The following RANBP17 variants were observed in gnomAD, a reference collection of about 807,000 sequenced individuals.
RANBP17 encodes RAN binding protein 17, also known as ran-binding protein 17.
RANBP17 carries 158 observed loss-of-function variants against 141.2 expected under a neutral mutation model. That is an observed-to-expected ratio of 1.12 (90% CI 0.98 to 1.28). The LOEUF (loss-of-function observed/expected upper bound fraction) is 1.28, where lower values mean the gene tolerates loss of function less well. Among genes scored for constraint, RANBP17 ranks in the 50% most tolerant of loss-of-function variants. RANBP17 has a pLI of 0.00. For synonymous variants in RANBP17, 430 were observed against 450.0 expected (o/e 0.96, Z 0.56); for missense variants, 1,438 against 1,290.7 (o/e 1.11, Z -1.75).
intron 14 of RANBP17, among the ~76,000 whole-genome samples, chr5:171,037,013 A>C (rs1781924209): frequency 6.6e-6 from 1 of 152,112 alleles, no homozygotes; most frequent in Non-Finnish European, 1.5e-5. Context: ...AGAAATCCCA[A>C]GGTACTTTCC....
intron 14 of RANBP17, among the ~76,000 whole-genome samples, chr5:171,112,999 C>A (rs901895614): frequency 2.0e-5 from 3 of 152,076 alleles, no homozygotes; most frequent in Admixed American, 2.0e-4. Context: ...GGATAAAAAT[C>A]CCTACTTCAG....
intron 5 of RANBP17, among the ~76,000 whole-genome samples, chr5:170,904,945 G>T (rs1018279185): frequency 1.3e-5 from 2 of 152,054 alleles, no homozygotes; most frequent in Non-Finnish European, 1.5e-5. Context: ...CGTTAAGGAG[G>T]TTTTGTTTCT....
At chr5:170,923,388 G>C (rs1308774708) in intron 11 of RANBP17, among the ~76,000 whole-genome samples, 1 of 152,146 alleles carries the variant, frequency 6.6e-6, no homozygotes, top group Non-Finnish European at 1.5e-5. Context: ...ACCCTGTCTT[G>C]ATTAGGTTTA....
At chr5:171,020,660 A>G (rs1197415743) in intron 14 of RANBP17, among the ~76,000 whole-genome samples, 3 of 149,130 alleles carry the variant, frequency 2.0e-5, no homozygotes, top group Admixed American at 1.3e-4. Flanking sequence ...TCTTGAGCCT[A>G]TGTGTGTCTT....
chr5:171,270,090 A>G (rs142289782), intron 25 of RANBP17, among the ~76,000 whole-genome samples: 1 of 152,220 alleles, frequency 6.6e-6, no homozygotes, highest in African/African-American at 2.4e-5. Context: ...ATGAACCCCC[A>G]CATAAAGGTT....
chr5:171,186,682 G>A (rs1317926390), intron 18 of RANBP17, among the ~76,000 whole-genome samples: 4 of 147,542 alleles, frequency 2.7e-5, no homozygotes, highest in Admixed American at 6.7e-5. Flanking sequence ...GACTACAGGC[G>A]CCCGCCACTA....
At chr5:170,951,496 C>T (rs1462488626) in intron 12 of RANBP17, among the ~76,000 whole-genome samples, 1 of 152,098 alleles carries the variant, frequency 6.6e-6, no homozygotes, top group Non-Finnish European at 1.5e-5. Flanking sequence ...AGTCACAACA[C>T]TCACTTATTG....
At chr5:171,048,855 C>T (rs1175971331) in intron 14 of RANBP17, among the ~76,000 whole-genome samples, 1 of 152,064 alleles carries the variant, frequency 6.6e-6, no homozygotes, top group Non-Finnish European at 1.5e-5. Flanking sequence ...GTGTATGTGC[C>T]ACATTTTTTT....
At chr5:170,933,248 A>G (rs74760924) in intron 12 of RANBP17, among the ~76,000 whole-genome samples, 102,425 of 151,944 alleles carry the variant, frequency 0.67, 34,750 homozygotes, top group South Asian at 0.9. Context: ...CTGTGGGATC[A>G]GTTGTGATAT....
chr5:171,099,099 C>T (rs563971479), intron 14 of RANBP17, among the ~76,000 whole-genome samples: 2 of 152,182 alleles, frequency 1.3e-5, no homozygotes, highest in East Asian at 3.9e-4. Flanking sequence ...TATACGGGCT[C>T]TTTTTTGGTT....
intron 14 of RANBP17, among the ~76,000 whole-genome samples, chr5:171,097,652 T>A (rs190085472): frequency 9.9e-5 from 14 of 140,966 alleles, no homozygotes; most frequent in African/African-American, 3.8e-4. Flanking sequence ...TTATTATTAT[T>A]ATACTTTAAG....
At chr5:171,051,849 G>A (rs1451293085) in intron 14 of RANBP17, among the ~76,000 whole-genome samples, 1 of 152,014 alleles carries the variant, frequency 6.6e-6, no homozygotes. Context: ...ATTCCCACCA[G>A]CAATGTAAAA....
intron 25 of RANBP17, among the ~76,000 whole-genome samples, chr5:171,288,630 AC>A (rs1409125832): frequency 6.6e-6 from 1 of 152,200 alleles, no homozygotes; most frequent in East Asian, 1.9e-4. Context: ...AGTCTATAAA[AC>A]GGGAATAATA....
chr5:171,139,402 A>G (rs116474854), intron 14 of RANBP17, among the ~76,000 whole-genome samples: 2,416 of 152,230 alleles, frequency 0.016, 73 homozygotes, highest in African/African-American at 0.056. Context: ...TTTTTATCCC[A>G]TTATATGAGA....
intron 9 of RANBP17, among the ~76,000 whole-genome samples, chr5:170,917,628 G>A (rs75762520): frequency 6.6e-6 from 1 of 152,158 alleles, no homozygotes; most frequent in African/African-American, 2.4e-5. Context: ...TATGGGTTAT[G>A]CATTTATTTT....
chr5:171,162,281 C>T (rs945752003), intron 14 of RANBP17, among the ~76,000 whole-genome samples: 2 of 152,184 alleles, frequency 1.3e-5, no homozygotes, highest in African/African-American at 4.8e-5. Flanking sequence ...GACAAATGTA[C>T]ACTCTCCATT....
chr5:170,955,388 T>C (rs756883169), intron 13 of RANBP17, among the ~76,000 whole-genome samples: 2 of 149,868 alleles, frequency 1.3e-5, no homozygotes, highest in Non-Finnish European at 3.0e-5. Context: ...ATATCTATAT[T>C]GATTATATTA....
At chr5:170,869,553 C>A (rs1460752516) in intron 1 of RANBP17, among the ~76,000 whole-genome samples, 2 of 152,196 alleles carry the variant, frequency 1.3e-5, no homozygotes, top group African/African-American at 4.8e-5. Flanking sequence ...TCATGCCTTT[C>A]GCCCAGCTGC....
chr5:171,251,786 A>T (rs1765582170), intron 24 of RANBP17: 8 of 1,093,478 alleles, frequency 7.3e-6, no homozygotes, highest in South Asian at 1.3e-5. Flanking sequence ...CGCCTCTGTG[A>T]TTGGGTGGAA....
Sources: gnomAD v4.1 joint callset for allele counts (sites outside exome capture counted in the v4.1 genomes callset) on GRCh38, gnomAD v4.1.1 for gene constraint, MANE v1.5 for transcripts, NCBI Gene and HGNC (gene_info 2026-07-23, HGNC 2026-07-21) for gene names.